SLIT2: variants seen among roughly 807,000 people sequenced by gnomAD.
SLIT2 encodes slit homolog 2 protein.
In SLIT2, 41 loss-of-function variants were observed where a neutral mutation model predicts 185.7. The ratio of observed to expected loss-of-function variants is 0.22; its 90% CI spans 0.17 to 0.29. The LOEUF is 0.29. SLIT2 is among the 10% of genes least tolerant of loss of function. SLIT2 has a pLI of 1.00. For missense variants in SLIT2, 1,571 were observed against 1,909.0 expected (o/e 0.82, Z 3.30); for synonymous variants, 693 against 680.2 (o/e 1.02, Z -0.29).
chr4:20,456,756 C>T (rs916485809), intron 4 of SLIT2, among the ~76,000 whole-genome samples: 1 of 151,948 alleles, frequency 6.6e-6, no homozygotes, highest in Non-Finnish European at 1.5e-5. Flanking sequence ...CACATATATC[C>T]CTGGACACAG....
chr4:20,615,461 G>A (rs1729579382), intron 34 of SLIT2: 1 of 152,236 alleles, frequency 6.6e-6, no homozygotes, highest in South Asian at 2.1e-4. Context: ...GGAGGGGAGA[G>A]AGGAGCCTGT....
chr4:20,253,959 C>T lies in SLIT2; in HGVS notation c.144C>T (p.Ser48=). The T allele has an allele frequency of 1.2e-6, 2 of 1,603,244 alleles. No individual in the cohort carries two copies. Among genetic ancestry groups the T allele is most frequent in the Non-Finnish European group, 1.7e-6 (2 of 1,179,844 alleles). ...ACTGTCACGGGCTGGCGCTGCGCAGCGTGCCCAGGAATATCCCCCGCAACA... is the reference window on the plus strand; with the variant it reads ...ACTGTCACGGGCTGGCGCTGCGCAGTGTGCCCAGGAATATCCCCCGCAACA... The part of the protein sequence containing the change: ...TVDCHGLALR[S]VPRNIPRNTE... Residue 48 remains serine (S), a synonymous_variant, in exon 1 of 37, where the codon AGC becomes AGT. Transcript: ENST00000504154.
intron 33 of SLIT2, among the ~76,000 whole-genome samples, chr4:20,604,356 C>A (rs1056487136): frequency 2.0e-5 from 3 of 152,056 alleles, no homozygotes; most frequent in Non-Finnish European, 4.4e-5. Flanking sequence ...ATTTAGATAT[C>A]TTTTCTTTTT....
At chr4:20,526,685 T>C (rs77901041) in intron 15 of SLIT2, among the ~76,000 whole-genome samples, 15,765 of 152,216 alleles carry the variant, frequency 0.1, 946 homozygotes, top group Middle Eastern at 0.18. Flanking sequence ...AAATAGGATT[T>C]GGAAATTATC....
intron 4 of SLIT2, among the ~76,000 whole-genome samples, chr4:20,280,515 C>G (rs947975452): frequency 6.6e-6 from 1 of 151,990 alleles, no homozygotes; most frequent in Non-Finnish European, 1.5e-5. Context: ...GGACCTTGCC[C>G]AATGTGTTCA....
In SLIT2 at chr4:20,397,295, T is replaced by G. The variant is rs986771066; in HGVS notation, c.396-70457T>G. Reference sequence around the variant, plus strand: ...AAAGTTCATTGTCTTTGTTTCCCTTTGATAAAGTGAGGATAACAGTATTTG... The same window carrying G: ...AAAGTTCATTGTCTTTGTTTCCCTTGGATAAAGTGAGGATAACAGTATTTG... On this transcript the variant is annotated intron_variant, in intron 4 of 36. Transcript: ENST00000504154. 2.0e-4 allele frequency among the ~76,000 whole-genome samples: 31 copies of G among 151,924 alleles called. 1 individual carries two copies. Among genetic ancestry groups the G allele is most frequent in the African/African-American group, 7.5e-4 (31 of 41,510 alleles).
chr4:20,534,833 C>A (rs945800494), intron 18 of SLIT2, among the ~76,000 whole-genome samples: 1 of 152,140 alleles, frequency 6.6e-6, no homozygotes, highest in Admixed American at 6.5e-5. Context: ...CAAATCCCCA[C>A]CCGCAAAGCC....
chr4:20,605,360 T>A (rs150415380), intron 33 of SLIT2, among the ~76,000 whole-genome samples: 1 of 152,234 alleles, frequency 6.6e-6, no homozygotes, highest in East Asian at 1.9e-4. Context: ...TTTGTTTTCA[T>A]GTATCCACTT....
chr4:20,271,445 ATAAT>A (rs941595254), intron 4 of SLIT2, among the ~76,000 whole-genome samples: 17 of 146,468 alleles, frequency 1.2e-4, no homozygotes, highest in African/African-American at 4.2e-4. Context: ...AATATAATAT[ATAAT>A]TAATTTATAT....
intron 4 of SLIT2, among the ~76,000 whole-genome samples, chr4:20,419,818 T>C (rs1728029064): frequency 6.6e-6 from 1 of 152,004 alleles, no homozygotes; most frequent in Non-Finnish European, 1.5e-5. Flanking sequence ...GAGAGATCGA[T>C]GATGGTGTGT....
intron 4 of SLIT2, among the ~76,000 whole-genome samples, chr4:20,422,588 A>G (rs1314397244): frequency 6.6e-6 from 1 of 152,118 alleles, no homozygotes; most frequent in Non-Finnish European, 1.5e-5. Flanking sequence ...AATAATTAAG[A>G]TGGCTTTAGT....
chr4:20,269,799 CT>C (rs905396614), intron 4 of SLIT2, among the ~76,000 whole-genome samples: 3 of 151,786 alleles, frequency 2.0e-5, no homozygotes, highest in African/African-American at 4.8e-5. Context: ...TCTTTGTAGC[CT>C]ACTAGTTCAA....
chr4:20,345,537 C>CTTTTTTTT (rs149402460), intron 4 of SLIT2, among the ~76,000 whole-genome samples: 48 of 112,292 alleles, frequency 4.3e-4, no homozygotes, highest in Non-Finnish European at 5.0e-4. Context: ...TTCCTTTTTT[C>CTTTTTTTT]TTTTTTCTTT....
In SLIT2 at chr4:20,594,182, T is replaced by C. The variant is rs557138322; in HGVS notation, c.3183-1515T>C. On this transcript the variant is annotated intron_variant, in intron 30 of 36. Transcript: ENST00000504154. ...GTATGTGTGTATATATGTATGTACA[T>C]GTGTGTATATACATATGTATGTATG... Among the ~76,000 whole-genome samples the C allele has an allele frequency of 3.3e-5, 5 of 149,564 alleles. No individual in the cohort carries two copies. In the East Asian group the frequency reaches 7.9e-4, roughly 24 times the overall value.
chr4:20,576,618 G>A (rs928205477), intron 29 of SLIT2, among the ~76,000 whole-genome samples: 6 of 152,144 alleles, frequency 3.9e-5, no homozygotes, highest in African/African-American at 1.4e-4. Flanking sequence ...TAAGGGAAAC[G>A]TTAAGTTGCC....
chr4:20,529,355 A>G (rs560225591), intron 16 of SLIT2, among the ~76,000 whole-genome samples: 4 of 152,274 alleles, frequency 2.6e-5, no homozygotes, highest in East Asian at 1.9e-4. Context: ...ACTAATAACA[A>G]TGGTATTTAT....
At chr4:20,430,719 G>A (rs1182574370) in intron 4 of SLIT2, among the ~76,000 whole-genome samples, 1 of 152,128 alleles carries the variant, frequency 6.6e-6, no homozygotes, top group Non-Finnish European at 1.5e-5. Flanking sequence ...CATACAACTT[G>A]CTCATCCTCC....
chr4:20,520,428 T>G (rs1720740076), intron 12 of SLIT2, among the ~76,000 whole-genome samples: 1 of 152,226 alleles, frequency 6.6e-6, no homozygotes, highest in Non-Finnish European at 1.5e-5. Flanking sequence ...CTGGCCTATA[T>G]GCTTTAGATA....
At chr4:20,614,991 A>G (rs1560242399) in intron 34 of SLIT2, 1 of 152,200 alleles carries the variant, frequency 6.6e-6, no homozygotes, top group East Asian at 1.9e-4. Context: ...GAACAGATTT[A>G]CTAATTGTTT....
Sources: allele counts gnomAD v4.1 joint callset (sites outside exome capture counted in the v4.1 genomes callset), GRCh38; gene constraint gnomAD v4.1.1; transcripts MANE v1.5; gene names NCBI Gene and HGNC (gene_info 2026-07-23, HGNC 2026-07-21).